The following ARFIP1 variants were observed in gnomAD, a reference collection of about 807,000 sequenced individuals.
The protein encoded by ARFIP1 is arfaptin-1.
ARFIP1 carries 24 observed loss-of-function variants against 42.5 expected under a neutral mutation model. The ratio of observed to expected loss-of-function variants is 0.57; its 90% CI spans 0.41 to 0.80. The LOEUF is 0.80. ARFIP1 is among the 30% of genes least tolerant of loss of function. The pLI is 0.00. For missense variants in ARFIP1, 354 were observed against 434.0 expected (o/e 0.82, Z 1.64); for synonymous variants, 141 against 153.7 (o/e 0.92, Z 0.61).
intron 8 of ARFIP1, among the ~76,000 whole-genome samples, chr4:152,892,739 G>C (rs1187062874): frequency 6.6e-6 from 1 of 152,134 alleles, no homozygotes; most frequent in African/African-American, 2.4e-5. Context: ...TGAAAAACAT[G>C]TGTTGTTCTA....
At chr4:152,815,720 C>T (rs1729816639) in intron 1 of ARFIP1, among the ~76,000 whole-genome samples, 1 of 150,624 alleles carries the variant, frequency 6.6e-6, no homozygotes, top group Non-Finnish European at 1.5e-5. Context: ...TCAGAATATA[C>T]CTGTAATCTG....
At chr4:152,894,991 A>G (rs1737190835) in intron 8 of ARFIP1, among the ~76,000 whole-genome samples, 1 of 152,218 alleles carries the variant, frequency 6.6e-6, no homozygotes, top group Non-Finnish European at 1.5e-5. Flanking sequence ...GGTATGGTGA[A>G]AGAATGAATG....
intron 1 of ARFIP1, among the ~76,000 whole-genome samples, chr4:152,809,267 T>G (rs2149831269): frequency 6.6e-6 from 1 of 152,316 alleles, no homozygotes; most frequent in Middle Eastern, 3.4e-3. Flanking sequence ...TTTAAATGCA[T>G]AGTGGCCATT....
intron 2 of ARFIP1, among the ~76,000 whole-genome samples, chr4:152,837,726 G>T (rs181768051): frequency 6.6e-6 from 1 of 152,184 alleles, no homozygotes; most frequent in Non-Finnish European, 1.5e-5. Context: ...CACTCTGTGG[G>T]TTGTCTGTTT....
intron 5 of ARFIP1, among the ~76,000 whole-genome samples, chr4:152,874,175 C>A (rs1165858666): frequency 6.6e-6 from 1 of 152,150 alleles, no homozygotes; most frequent in East Asian, 1.9e-4. Flanking sequence ...CATCTCTTAT[C>A]TCTACAATAA....
chr4:152,859,967 C>G (rs1733755483), intron 2 of ARFIP1, among the ~76,000 whole-genome samples: 1 of 151,672 alleles, frequency 6.6e-6, no homozygotes, highest in Non-Finnish European at 1.5e-5. Context: ...AATTTCATGA[C>G]TTTGTCACTC....
intron 1 of ARFIP1, among the ~76,000 whole-genome samples, chr4:152,784,653 G>A (rs955685010): frequency 6.6e-6 from 1 of 152,220 alleles, no homozygotes; most frequent in Non-Finnish European, 1.5e-5. Flanking sequence ...TTCTTGCCTG[G>A]CTTCGTCACT....
chr4:152,910,596 T>G lies in ARFIP1; in HGVS notation c.*377T>G, dbSNP rs1399957889. On this transcript the variant is annotated 3_prime_UTR_variant, in exon 9 of 9. Transcript: ENST00000353617. ...TTTTCCAAAGGGAGGTTTACATGATTTGTATCAACATCAGATATTTTATAT... is the reference window on the plus strand; with the variant it reads ...TTTTCCAAAGGGAGGTTTACATGATGTGTATCAACATCAGATATTTTATAT... 1 of 162,304 alleles carries G rather than the reference T, an allele frequency of 6.2e-6. No individual in the cohort carries two copies. The highest frequency in any genetic ancestry group is 2.4e-5 in the African/African-American group (1 of 41,696). The allele number at this position is 162,304 out of a possible 1,614,324, so 10.1% of individuals were successfully genotyped here. A position where few individuals can be genotyped will look rare whatever the true frequency, so the allele number is the denominator to read the frequency against.
intron 1 of ARFIP1, among the ~76,000 whole-genome samples, chr4:152,782,223 GGTGTGT>G (rs71598214): frequency 0.12 from 17,671 of 148,566 alleles, 1,080 homozygotes; most frequent in Middle Eastern, 0.16. Context: ...AACAGGTAGG[GGTGTGT>G]GTGTGTGTGT....
At chr4:152,783,983 GTAA>G (rs1156305112) in intron 1 of ARFIP1, among the ~76,000 whole-genome samples, 2 of 152,114 alleles carry the variant, frequency 1.3e-5, no homozygotes, top group Non-Finnish European at 2.9e-5. Flanking sequence ...AAGATTATAA[GTAA>G]TAAACTGGGC....
chr4:152,809,112 T>C (rs373902034), intron 1 of ARFIP1, among the ~76,000 whole-genome samples: 2 of 152,236 alleles, frequency 1.3e-5, no homozygotes, highest in African/African-American at 4.8e-5. Flanking sequence ...TAACAGTAGG[T>C]GTTCTTGGGT....
intron 4 of ARFIP1, among the ~76,000 whole-genome samples, chr4:152,871,945 T>C (rs768024040): frequency 1.3e-5 from 2 of 152,178 alleles, no homozygotes; most frequent in Non-Finnish European, 2.9e-5. Context: ...AATGACTATT[T>C]GAATTGAACT....
At chr4:152,900,462 T>C (rs1409508279) in intron 8 of ARFIP1, among the ~76,000 whole-genome samples, 2 of 152,154 alleles carry the variant, frequency 1.3e-5, no homozygotes, top group Non-Finnish European at 2.9e-5. Flanking sequence ...CCTATCCCAA[T>C]GCATCAGAAG....
chr4:152,823,855 A>AT (rs1335005827), intron 1 of ARFIP1, among the ~76,000 whole-genome samples: 1 of 150,348 alleles, frequency 6.7e-6, no homozygotes, highest in Non-Finnish European at 1.5e-5. Flanking sequence ...AGAAGGAGGG[A>AT]TTGCTCCCTA....
intron 1 of ARFIP1, among the ~76,000 whole-genome samples, chr4:152,797,248 G>T (rs1165424357): frequency 6.6e-6 from 1 of 152,154 alleles, no homozygotes; most frequent in Non-Finnish European, 1.5e-5. Flanking sequence ...TTAGTGATTT[G>T]AGATGCCACC....
rs999760055 is a variant in ARFIP1 at position 152,910,775 on chromosome 4, CTT to C, written c.*560_*561del. 6.6e-6 allele frequency: 1 copy of C among 152,110 alleles called. No homozygotes were observed. Among genetic ancestry groups the C allele is most frequent in the African/African-American group, 2.4e-5 (1 of 41,414 alleles). The allele number at this position is 152,110 out of a possible 1,614,324, so 9.4% of individuals were successfully genotyped here. ...TAGCTTGTGGAGTTGTGGCAAATAC[CTT>C]TTTAAAAATGAATCTGTACCACTGT... On this transcript the variant is annotated 3_prime_UTR_variant, in exon 9 of 9. Transcript: ENST00000353617.
intron 1 of ARFIP1, among the ~76,000 whole-genome samples, chr4:152,782,154 T>C (rs11099853): frequency 0.38 from 57,703 of 151,578 alleles, 11,989 homozygotes; most frequent in Admixed American, 0.49. Flanking sequence ...AAAGGAGATA[T>C]ATAGCTTCTT....
At chr4:152,895,083 A>G (rs1265164533) in intron 8 of ARFIP1, among the ~76,000 whole-genome samples, 2 of 152,246 alleles carry the variant, frequency 1.3e-5, no homozygotes, top group East Asian at 3.8e-4. Context: ...CTGATAGGCC[A>G]TATTAGGGAA....
At chr4:152,870,087 C>G (rs1409495815) in intron 3 of ARFIP1, among the ~76,000 whole-genome samples, 1 of 152,170 alleles carries the variant, frequency 6.6e-6, no homozygotes. Flanking sequence ...TACAAATCAC[C>G]TGGGGAAATC....
Sources: gnomAD v4.1 joint callset for allele counts (sites outside exome capture counted in the v4.1 genomes callset) on GRCh38, gnomAD v4.1.1 for gene constraint, MANE v1.5 for transcripts, NCBI Gene and HGNC (gene_info 2026-07-23, HGNC 2026-07-21) for gene names.